ICA1: variants seen among roughly 807,000 people sequenced by gnomAD.
The protein encoded by ICA1 is islet cell autoantigen 1.
Under a neutral mutation model 71.0 loss-of-function variants are expected in ICA1, and 40 were observed. That is an observed-to-expected ratio of 0.56 (90% CI 0.44 to 0.73). The LOEUF (loss-of-function observed/expected upper bound fraction) is 0.73. ICA1 is among the 30% of genes least tolerant of loss of function. The probability of loss-of-function intolerance (pLI) is 0.00; values close to 1 mark genes in which losing one functional copy is unlikely to be tolerated. For synonymous variants in ICA1, 207 were observed against 209.5 expected, an observed-to-expected ratio of 0.99 and a Z score of 0.10; for missense variants, 578 against 576.5, an observed-to-expected ratio of 1.00 and a Z score of -0.03.
intron 4 of ICA1, among the ~76,000 whole-genome samples, chr7:8,224,401 T>C (rs1018487451): frequency 4.0e-5 from 6 of 151,748 alleles, no homozygotes; most frequent in African/African-American, 1.5e-4. Context: ...TCGGATTCCA[T>C]TTTATGTGTT....
chr7:8,161,167 C>G (rs1027585490), intron 6 of ICA1, among the ~76,000 whole-genome samples: 1 of 152,072 alleles, frequency 6.6e-6, no homozygotes, highest in African/African-American at 2.4e-5. Context: ...ACTAGGGTGT[C>G]TATAAAGCTG....
intron 2 of ICA1, among the ~76,000 whole-genome samples, chr7:8,233,919 T>C (rs182851259): frequency 2.6e-5 from 4 of 152,298 alleles, no homozygotes; most frequent in East Asian, 1.9e-4. Flanking sequence ...TCAAAAAGTA[T>C]GTGGAGAAAA....
chr7:8,126,404 G>A (rs2128055965), intron 13 of ICA1, among the ~76,000 whole-genome samples: 1 of 152,182 alleles, frequency 6.6e-6, no homozygotes, highest in East Asian at 1.9e-4. Context: ...TGAAACCTGG[G>A]GTGAAACTCA....
At chr7:8,233,747 G>C (rs865958842) in intron 2 of ICA1, among the ~76,000 whole-genome samples, 2 of 151,796 alleles carry the variant, frequency 1.3e-5, no homozygotes, top group African/African-American at 4.8e-5. Flanking sequence ...AATTTAAGAC[G>C]GTTGACTTCA....
At chr7:8,172,331 C>T (rs1342426099) in intron 6 of ICA1, among the ~76,000 whole-genome samples, 1 of 151,904 alleles carries the variant, frequency 6.6e-6, no homozygotes, top group African/African-American at 2.4e-5. Flanking sequence ...AATAAATATC[C>T]TTATTTCTGG....
chr7:8,156,875 C>A lies in ICA1; in HGVS notation c.804+241G>T, dbSNP rs553829340. 4.0e-6 allele frequency: 6 copies of A among 1,516,572 alleles called. No homozygotes were observed. In the East Asian group the frequency reaches 1.5e-4, roughly 37 times the overall value. 93.9% of individuals were successfully genotyped at this position (1,516,572 alleles called of 1,614,324 possible). ...AACATGTATCTCAAGGTTCAAGGTT[C>A]AATTCGCGCTTTTGGATTGCAGTAG... On this transcript the variant is annotated intron_variant, in intron 8 of 13. Coordinates refer to ENST00000402384, the MANE Select transcript of ICA1 (RefSeq NM_001136020.3).
chr7:8,236,463 T>C (rs1225695284), intron 1 of ICA1, among the ~76,000 whole-genome samples: 1 of 152,186 alleles, frequency 6.6e-6, no homozygotes, highest in Non-Finnish European at 1.5e-5. Context: ...AGTGTTCTCT[T>C]TGTGAAGCTA....
At position 8,211,647 on chromosome 7, in the gene ICA1, TG is replaced by T. The variant is rs775198248; in HGVS notation, c.579+6657del. Among the ~76,000 whole-genome samples, 153 of 152,342 alleles carry T rather than the reference TG, an allele frequency of 1.0e-3. 1 individual carries two copies. Among genetic ancestry groups the T allele is most frequent in the Non-Finnish European group, 1.8e-3 (122 of 68,028 alleles). ...GTAAATACATTGATCACTACTCAACTGGACACTTAAAAATGGCTAAGATGGC... is the reference window on the plus strand; with the variant it reads ...GTAAATACATTGATCACTACTCAACTGACACTTAAAAATGGCTAAGATGGC... On this transcript the variant is annotated intron_variant, in intron 6 of 13. Coordinates refer to ENST00000402384, the MANE Select transcript of ICA1 (RefSeq NM_001136020.3).
chr7:8,207,677 A>G (rs1792087940), intron 6 of ICA1, among the ~76,000 whole-genome samples: 1 of 152,242 alleles, frequency 6.6e-6, no homozygotes, highest in African/African-American at 2.4e-5. Flanking sequence ...ATTTTAGTGA[A>G]CAGAGCTCCT....
chr7:8,233,255 CAG>C (rs1272869188), intron 2 of ICA1, among the ~76,000 whole-genome samples: 3 of 152,160 alleles, frequency 2.0e-5, no homozygotes, highest in African/African-American at 7.2e-5. Flanking sequence ...CTCACAGAAG[CAG>C]AGAGTAGAAT....
At chr7:8,127,822 C>T (rs1789836131) in intron 13 of ICA1, 51 bp downstream of exon 13, 2 of 1,522,188 alleles carry the variant, frequency 1.3e-6, no homozygotes, top group Admixed American at 2.2e-5. Flanking sequence ...GGATTGAAAA[C>T]AAAAAGAATG....
At chr7:8,219,639 A>G (rs1048570691) in intron 5 of ICA1, among the ~76,000 whole-genome samples, 5 of 152,250 alleles carry the variant, frequency 3.3e-5, no homozygotes, top group Non-Finnish European at 7.3e-5. Context: ...TTTCAAAGAC[A>G]TTGTTGTGCC....
intron 13 of ICA1, among the ~76,000 whole-genome samples, chr7:8,126,724 C>T (rs534147150): frequency 6.6e-6 from 1 of 151,998 alleles, no homozygotes; most frequent in African/African-American, 2.4e-5. Context: ...CATAGAAAAA[C>T]CAAAACAGTT....
chr7:8,236,540 A>G (rs975589078), intron 1 of ICA1, among the ~76,000 whole-genome samples: 7 of 152,214 alleles, frequency 4.6e-5, no homozygotes, highest in African/African-American at 1.7e-4. Flanking sequence ...CAACATTTTT[A>G]AAGAAACAAA....
chr7:8,241,853 CA>C (rs1243232579), intron 1 of ICA1, among the ~76,000 whole-genome samples: 2 of 152,190 alleles, frequency 1.3e-5, no homozygotes, highest in Admixed American at 1.3e-4. Flanking sequence ...GTCAATTCGA[CA>C]AGAAGAGTTA....
chr7:8,233,822 G>A (rs927580408), intron 2 of ICA1, among the ~76,000 whole-genome samples: 1 of 152,178 alleles, frequency 6.6e-6, no homozygotes, highest in Non-Finnish European at 1.5e-5. Flanking sequence ...GCAGGCTTCT[G>A]ATGTTAAAAA....
chr7:8,246,316 A>G (rs1030485624), intron 1 of ICA1, among the ~76,000 whole-genome samples: 4 of 152,262 alleles, frequency 2.6e-5, no homozygotes, highest in African/African-American at 7.2e-5. Context: ...AGATCTGCTC[A>G]AAGAAGCAGA....
At chr7:8,247,006 A>G (rs1806282082) in intron 1 of ICA1, among the ~76,000 whole-genome samples, 1 of 150,598 alleles carries the variant, frequency 6.6e-6, no homozygotes, top group African/African-American at 2.4e-5. Flanking sequence ...TTGGCCTCCC[A>G]AAGTGCTGGG....
chr7:8,114,982 G>C (rs182298582), intron 13 of ICA1: 9 of 152,322 alleles, frequency 5.9e-5, no homozygotes, highest in Non-Finnish European at 7.4e-5. Context: ...GTCTCAGGAA[G>C]TGTTGGTAGG....
Sources: allele counts gnomAD v4.1 joint callset (sites outside exome capture counted in the v4.1 genomes callset), GRCh38; gene constraint gnomAD v4.1.1; transcripts MANE v1.5; gene names NCBI Gene and HGNC (gene_info 2026-07-23, HGNC 2026-07-21).